DTNB: variants seen among roughly 807,000 people sequenced by gnomAD.
DTNB encodes dystrobrevin beta, also known as DTN-B.
A neutral mutation model predicts 90.7 loss-of-function variants in DTNB; 63 were observed. The ratio of observed to expected loss-of-function variants is 0.69; its 90% CI spans 0.57 to 0.86. The LOEUF is 0.86. Among genes scored for constraint, DTNB ranks in the 40% least tolerant of loss-of-function variants. The pLI is 0.00. For synonymous variants in DTNB, 277 were observed against 286.7 expected, an observed-to-expected ratio of 0.97 and a Z score of 0.34; for missense variants, 744 against 807.1, an observed-to-expected ratio of 0.92 and a Z score of 0.95.
chr2:25,644,641 T>C (rs1008167799), intron 2 of DTNB, among the ~76,000 whole-genome samples: 1 of 152,200 alleles, frequency 6.6e-6, no homozygotes, highest in South Asian at 2.1e-4. Context: ...AAATCCCAGC[T>C]ACTCCAGAGG....
At chr2:25,650,350 G>T (rs1328279851) in intron 2 of DTNB, 10 of 544,732 alleles carry the variant, frequency 1.8e-5, no homozygotes, top group Non-Finnish European at 2.3e-5. Context: ...GAGCATAGCA[G>T]ATCCTCAATA....
chr2:25,616,382 A>G (rs2070512499), intron 4 of DTNB, among the ~76,000 whole-genome samples: 1 of 152,082 alleles, frequency 6.6e-6, no homozygotes, highest in Admixed American at 6.6e-5. Context: ...AGAAACACTA[A>G]TATTTTACAA....
intron 6 of DTNB, among the ~76,000 whole-genome samples, chr2:25,583,884 C>A (rs72797652): frequency 2.0e-5 from 3 of 152,012 alleles, no homozygotes; most frequent in Non-Finnish European, 4.4e-5. Context: ...TCTCTGAAGA[C>A]CCTCATAAAT....
rs142393249 is a variant in DTNB at position 25,463,994 on chromosome 2, C to T, written c.1080-8500G>A. 8.1e-4 allele frequency among the ~76,000 whole-genome samples: 124 copies of T among 152,334 alleles called. 3 individuals are homozygous for T. The East Asian group carries it at 0.023, about 29-fold the overall frequency. ...AATCTCGGCTCACTGCAACCTCTGCCTCCTCGGTTAAAACGATTCTCGTGC... is the reference window on the plus strand; with the variant it reads ...AATCTCGGCTCACTGCAACCTCTGCTTCCTCGGTTAAAACGATTCTCGTGC... On this transcript the variant is annotated intron_variant, in intron 10 of 20. Coordinates refer to ENST00000406818, the MANE Select transcript of DTNB (RefSeq NM_021907.5).
At chr2:25,459,401 G>A (rs72851414) in intron 10 of DTNB, among the ~76,000 whole-genome samples, 3,650 of 151,954 alleles carry the variant, frequency 0.024, 145 homozygotes, top group African/African-American at 0.083. Context: ...CATTTCGGAC[G>A]TTATCCCTTT....
chr2:25,462,988 C>T (rs1312320908), intron 10 of DTNB, among the ~76,000 whole-genome samples: 1 of 152,174 alleles, frequency 6.6e-6, no homozygotes, highest in African/African-American at 2.4e-5. Flanking sequence ...CAGGCGTGAG[C>T]CACCGCGCCC....
At chr2:25,633,374 C>A (rs554880953) in intron 3 of DTNB, among the ~76,000 whole-genome samples, 2 of 152,244 alleles carry the variant, frequency 1.3e-5, no homozygotes, top group East Asian at 3.9e-4. Context: ...CTGTGTTGGC[C>A]GGGCTGGTCT....
intron 2 of DTNB, among the ~76,000 whole-genome samples, chr2:25,641,027 G>A (rs2078187839): frequency 6.6e-6 from 1 of 152,092 alleles, no homozygotes; most frequent in Non-Finnish European, 1.5e-5. Flanking sequence ...AATACTTTCG[G>A]AAAATGATAA....
intron 6 of DTNB, among the ~76,000 whole-genome samples, chr2:25,589,367 CTTTTTTTTTTTTTTTTT>C (rs1169808182): frequency 6.9e-5 from 4 of 57,556 alleles, no homozygotes; most frequent in Non-Finnish European, 1.2e-4. Context: ...TTTTTCTTTT[CTTTTTTTTTTTTTTTTT>C]TTTTTTTTTT....
intron 9 of DTNB, among the ~76,000 whole-genome samples, chr2:25,488,853 G>A (rs1026027358): frequency 3.3e-5 from 5 of 152,222 alleles, no homozygotes; most frequent in Non-Finnish European, 7.3e-5. Flanking sequence ...GTTTCGCCAT[G>A]TTGGCCAGGC....
chr2:25,584,169 C>A (rs2061996255), intron 6 of DTNB, among the ~76,000 whole-genome samples: 1 of 152,184 alleles, frequency 6.6e-6, no homozygotes, highest in African/African-American at 2.4e-5. Context: ...CATAATAATA[C>A]TAAGACATTA....
chr2:25,380,723 G>A (rs1165410135), intron 19 of DTNB, among the ~76,000 whole-genome samples: 4 of 151,602 alleles, frequency 2.6e-5, no homozygotes, highest in South Asian at 2.1e-4. Flanking sequence ...AGTCTGATGC[G>A]AACAGGGCAG....
intron 8 of DTNB, among the ~76,000 whole-genome samples, chr2:25,531,974 C>T (rs1424684023): frequency 6.6e-6 from 1 of 152,128 alleles, no homozygotes. Flanking sequence ...AGGCCAGGCA[C>T]GGTGGCTCAT....
At chr2:25,575,241 C>CA (rs1356055939) in intron 8 of DTNB, among the ~76,000 whole-genome samples, 55 of 139,722 alleles carry the variant, frequency 3.9e-4, no homozygotes, top group Middle Eastern at 3.8e-3. Context: ...CACACACACA[C>CA]ACAAAAAAAA....
At chr2:25,547,444 C>A (rs939269795) in intron 8 of DTNB, among the ~76,000 whole-genome samples, 2 of 151,860 alleles carry the variant, frequency 1.3e-5, no homozygotes, top group Admixed American at 6.6e-5. Context: ...CTGCCTCAGC[C>A]TCCGGAGTAG....
At chr2:25,482,299 T>A (rs1256861445) in intron 10 of DTNB, among the ~76,000 whole-genome samples, 1 of 152,188 alleles carries the variant, frequency 6.6e-6, no homozygotes, top group African/African-American at 2.4e-5. Context: ...ACTCCTTGCA[T>A]AACCAAAAGA....
At chr2:25,425,708 G>A (rs1265988284) in intron 15 of DTNB, among the ~76,000 whole-genome samples, 2 of 152,194 alleles carry the variant, frequency 1.3e-5, no homozygotes, top group African/African-American at 4.8e-5. Context: ...CTGTTAACTC[G>A]ATATCATACT....
At chr2:25,625,509 C>G (rs1352779018) in intron 4 of DTNB, among the ~76,000 whole-genome samples, 1 of 150,806 alleles carries the variant, frequency 6.6e-6, no homozygotes, top group Non-Finnish European at 1.5e-5. Context: ...TTACCCAACT[C>G]ACTAATAACA....
intron 2 of DTNB, among the ~76,000 whole-genome samples, chr2:25,641,773 G>A (rs1403408007): frequency 6.6e-6 from 1 of 152,174 alleles, no homozygotes; most frequent in Non-Finnish European, 1.5e-5. Flanking sequence ...TTCCAGACAA[G>A]GGAAGAGTTT....
Sources: allele counts gnomAD v4.1 joint callset (sites outside exome capture counted in the v4.1 genomes callset), GRCh38; gene constraint gnomAD v4.1.1; transcripts MANE v1.5; gene names NCBI Gene and HGNC (gene_info 2026-07-23, HGNC 2026-07-21).